The following PNCK variants were observed in gnomAD, a reference collection of about 807,000 sequenced individuals.
The protein encoded by PNCK is pregnancy up-regulated nonubiquitous CaM kinase.
PNCK carries 21 observed loss-of-function variants against 28.3 expected under a neutral mutation model. The ratio of observed to expected loss-of-function variants is 0.74; its 90% confidence interval spans 0.53 to 1.07. PNCK has a LOEUF of 1.07. Ranked by LOEUF, PNCK falls within the 50% of genes least tolerant of loss-of-function variation. The pLI is 0.00. For missense variants in PNCK, 250 were observed against 298.3 expected, an observed-to-expected ratio of 0.84 and a Z score of 1.19; for synonymous variants, 136 against 125.2, an observed-to-expected ratio of 1.09 and a Z score of -0.58.
At position 153,671,878 on chromosome X, in the gene PNCK, A is replaced by C; in HGVS notation, c.414+2T>G. 1 of 1,207,382 alleles carries C rather than the reference A, an allele frequency of 8.3e-7. No homozygotes were observed. The highest frequency in any genetic ancestry group is 1.1e-6 in the Non-Finnish European group (1 of 894,088). ...TGGGGTGCAGAGGCCCCAGCCAGGC[A>C]CCTTGAGGTCCCGGTGCACGATCCC... On this transcript the variant is annotated splice_donor_variant, in intron 5 of 11. Transcript: ENST00000340888. LOFTEE classifies it high-confidence loss of function.
chrX:153,674,466 C>A (rs191520821), upstream of PNCK: 164 of 253,659 alleles, frequency 6.5e-4, no homozygotes, highest in African/African-American at 4.1e-3. Context: ...CTTTGCTCCC[C>A]TGCCTGGAAT....
upstream of PNCK, among the ~76,000 whole-genome samples, chrX:153,678,262 G>A (rs1041228395): frequency 5.3e-4 from 58 of 110,009 alleles, 1 homozygote; most frequent in African/African-American, 1.9e-3. Flanking sequence ...AGACAAGCGT[G>A]GCCAACATGG....
At chrX:153,675,560 C>G (rs1179226156), upstream of PNCK, among the ~76,000 whole-genome samples, 2 of 110,166 alleles carry the variant, frequency 1.8e-5, no homozygotes, top group African/African-American at 6.8e-5. Flanking sequence ...GACAGGGTCT[C>G]ACTGTCGCCC....
Position 153,670,476 on chromosome X carries a change from C to T in PNCK, c.1013G>A (p.Gly338Asp). The stretch of plus-strand genomic sequence containing the variant: ...TGGGCATCACCACTTGGGGGGCTGG[C>T]CAGCACGGAGGCCTGAGTGGCTGTG... ...ARHSHSGLRAGQPPKW is the reference protein window; with the variant it reads ...ARHSHSGLRADQPPKW The change falls in exon 11 of 12, where the codon GGC (glycine) becomes GAC (aspartate). Residue 338 changes from glycine (G) to aspartate (D), a missense_variant. Coordinates refer to ENST00000340888, the MANE Select transcript of PNCK (RefSeq NM_001366977.1). The T allele has an allele frequency of 8.3e-7, 1 of 1,211,465 alleles. No homozygotes were observed. Among genetic ancestry groups the T allele is most frequent in the South Asian group, 1.8e-5 (1 of 56,935 alleles).
rs782039916 is a variant in PNCK, at chrX:153,672,006, G to T, written c.288C>A (p.Gly96=). ...LYLAMELVTG[G]ELFDRIMERG... is the part of the protein sequence containing the mutation. Reference sequence around the variant, plus strand: ...GCTCCATGATGCGGTCAAACAGCTCGCCACCCGTCACCCTGGGGGTGCCAG... The same window carrying T: ...GCTCCATGATGCGGTCAAACAGCTCTCCACCCGTCACCCTGGGGGTGCCAG... Residue 96 remains glycine (G), a synonymous_variant, in exon 5 of 12, where the codon GGC becomes GGA. Transcript: ENST00000340888. The T allele has an allele frequency of 2.5e-6, 3 of 1,209,130 alleles. No individual in the cohort carries two copies. Among genetic ancestry groups the T allele is most frequent in the Non-Finnish European group, 3.4e-6 (3 of 894,634 alleles).
At chrX:153,672,970 C>T in intron 2 of PNCK, 39 bp downstream of exon 2, 1 of 1,148,623 alleles carries the variant, frequency 8.7e-7, no homozygotes, top group Non-Finnish European at 1.2e-6. Context: ...CACACACACA[C>T]ACACACACAC....
At position 153,671,379 on chromosome X, in the gene PNCK, C is replaced by G. The variant is rs782791462; in HGVS notation, c.539-19G>C. On this transcript the variant is annotated intron_variant, in intron 6 of 11. Transcript: ENST00000340888. Reference sequence around the variant, plus strand: ...TCTGGGGCTGGGGGCCAGAGACAGACAGACGCACGCACAGGCACACACGCA... The same window carrying G: ...TCTGGGGCTGGGGGCCAGAGACAGAGAGACGCACGCACAGGCACACACGCA... 1.7e-6 allele frequency: 2 copies of G among 1,210,500 alleles called. No individual in the cohort carries two copies. Among genetic ancestry groups the G allele is most frequent in the Non-Finnish European group, 1.1e-6 (1 of 895,312 alleles).
chrX:153,674,183 T>C (rs1407870285), upstream of PNCK: 17 of 1,196,015 alleles, frequency 1.4e-5, no homozygotes, highest in Admixed American at 2.2e-5. Flanking sequence ...CATGCCTAGC[T>C]CCAGGACCCT....
upstream of PNCK, among the ~76,000 whole-genome samples, chrX:153,679,674 C>A (rs1226025172): frequency 9.8e-6 from 1 of 102,015 alleles, no homozygotes; most frequent in Admixed American, 1.1e-4. Flanking sequence ...TGAGTTCAAG[C>A]GATTCTCCTG....
intron 2 of PNCK, 48 bp from the exon 3 acceptor site, chrX:153,672,745 G>C: frequency 1.7e-6 from 2 of 1,156,647 alleles, no homozygotes; most frequent in Non-Finnish European, 1.2e-6. Context: ...GGGAAGAGAG[G>C]AGAGGCAGGA....
intron 1 of PNCK, among the ~76,000 whole-genome samples, chrX:153,683,223 C>G (rs1366807056): frequency 8.9e-6 from 1 of 112,173 alleles, no homozygotes; most frequent in Non-Finnish European, 1.9e-5. Context: ...TCACTGCAAG[C>G]TCCGCCTCCC....
chrX:153,676,472 T>G (rs781903462), upstream of PNCK, among the ~76,000 whole-genome samples: 1 of 112,003 alleles, frequency 8.9e-6, no homozygotes. Context: ...GCATAAGGAA[T>G]AAAAATTGCT....
exon 1 of PNCK, chrX:153,687,459 C>T (rs1232679938): frequency 3.1e-6 from 1 of 326,174 alleles, no homozygotes; most frequent in African/African-American, 2.7e-5. Context: ...CCTCCAGCTT[C>T]CAGGGTAGCC....
chrX:153,679,840 G>A (rs1188442834), upstream of PNCK, among the ~76,000 whole-genome samples: 2 of 110,363 alleles, frequency 1.8e-5, no homozygotes, highest in Non-Finnish European at 3.8e-5. Context: ...CCAAAGTGCT[G>A]GGATTACAGG....
chrX:153,672,456 ACTGCCCCAGGCCT>A (rs782638147), intron 3 of PNCK, 97 bp downstream of exon 3: 2,259 of 1,049,955 alleles, frequency 2.2e-3, no homozygotes, highest in Non-Finnish European at 2.6e-3. Context: ...CAGAGAGAGC[ACTGCCCCAGGCCT>A]CCCAAAGGTT....
Position 153,673,017 on chromosome X carries a change from C to A in PNCK, c.60G>T (p.Arg20Ser). 1 of 1,192,719 alleles carries A rather than the reference C, an allele frequency of 8.4e-7. No individual in the cohort carries two copies. Among genetic ancestry groups the A allele is most frequent in the Non-Finnish European group, 1.1e-6 (1 of 884,215 alleles). Residue 20 changes from arginine to serine, a missense_variant, in exon 2 of 12, where the codon AGG becomes AGT. By Grantham distance (110) the Arg-to-Ser change is moderately radical. Coordinates refer to ENST00000340888, the MANE Select transcript of PNCK (RefSeq NM_001366977.1). Reference protein sequence around the residue: ...DISSVYEIRERLGSGAFSEVV... With the variant: ...DISSVYEIRESLGSGAFSEVV... The stretch of plus-strand genomic sequence containing the variant: ...CGCGCGCGCACACTCACGAGCCGAG[C>A]CTCTCGCGGATCTCGTAGACGCTGC...
In PNCK at chrX:153,670,454, G is replaced by A. The variant is rs1557039233; in HGVS notation, c.*3C>T. The stretch of plus-strand genomic sequence containing the variant: ...GCAGGGTCCACCCAAACACACCTGG[G>A]CATCACCACTTGGGGGGCTGGCCAG... On this transcript the variant is annotated 3_prime_UTR_variant, in exon 11 of 12. Transcript: ENST00000340888. 8.3e-7 allele frequency: 1 copy of A among 1,211,470 alleles called. No individual in the cohort carries two copies. Among genetic ancestry groups the A allele is most frequent in the African/African-American group, 1.7e-5 (1 of 58,021 alleles).
upstream of PNCK, among the ~76,000 whole-genome samples, chrX:153,676,329 C>G (rs781965626): frequency 2.7e-5 from 3 of 111,535 alleles, no homozygotes; most frequent in Admixed American, 9.6e-5. Context: ...AAGCAACTTC[C>G]TCTTTTCCTT....
upstream of PNCK, among the ~76,000 whole-genome samples, chrX:153,677,735 T>C (rs1275705147): frequency 3.7e-5 from 3 of 81,676 alleles, no homozygotes; most frequent in African/African-American, 5.1e-5. Context: ...ATAGTGTATA[T>C]ATAGTGTGTA....
Sources: gnomAD v4.1 joint callset for allele counts (sites outside exome capture counted in the v4.1 genomes callset) on GRCh38, gnomAD v4.1.1 for gene constraint, MANE v1.5 for transcripts, NCBI Gene and HGNC (gene_info 2026-07-23, HGNC 2026-07-21) for gene names.